Variants in KLF13 observed in about 807,000 individuals in gnomAD.
KLF13 encodes the protein Krueppel-like factor 13.
A neutral mutation model predicts 16.7 loss-of-function variants in KLF13; 8 were observed. The observed-to-expected ratio is 0.48, with a 90% CI of 0.28 to 0.87. KLF13 has a LOEUF of 0.87. Among genes scored for constraint, KLF13 ranks in the 40% least tolerant of loss-of-function variants. KLF13 has a pLI of 0.10. For missense variants in KLF13, 447 were observed against 452.2 expected, an observed-to-expected ratio of 0.99 and a Z score of 0.10; for synonymous variants, 245 against 208.4, an observed-to-expected ratio of 1.18 and a Z score of -1.51.
At chr15:31,417,630 C>A (rs1458865765) in intron 1 of KLF13, among the ~76,000 whole-genome samples, 1 of 152,004 alleles carries the variant, frequency 6.6e-6, no homozygotes, top group Non-Finnish European at 1.5e-5. Flanking sequence ...CAACCTCCAT[C>A]TCCCAGGTTC....
chr15:31,381,878 T>TG (rs2039731313), downstream of KLF13, among the ~76,000 whole-genome samples: 1 of 152,246 alleles, frequency 6.6e-6, no homozygotes, highest in African/African-American at 2.4e-5. Context: ...CACCTGCTGC[T>TG]GCCTGCACAG....
At chr15:31,347,743 G>A (rs1392561584) in intron 1 of KLF13, among the ~76,000 whole-genome samples, 1 of 152,246 alleles carries the variant, frequency 6.6e-6, no homozygotes, top group Non-Finnish European at 1.5e-5. Flanking sequence ...GCAGCAGCTT[G>A]AGGGGGCCCC....
intron 1 of KLF13, among the ~76,000 whole-genome samples, chr15:31,334,466 C>T (rs1158534322): frequency 6.6e-6 from 1 of 151,634 alleles, no homozygotes; most frequent in African/African-American, 2.4e-5. Context: ...TTGCTCTTGT[C>T]CCCCAGGCTG....
rs771153714 is a variant in KLF13, at chr15:31,423,133, G to GTATA, written n.118-12236_118-12233dup. ...TATACGTATATATACGTATATATAC[G>GTATA]TATACGTATACGTATATATACGTAT... On this transcript the variant is annotated intron_variant and non_coding_transcript_variant, in intron 1 of 1. Transcript: ENST00000558225. Among the ~76,000 whole-genome samples the GTATA allele has an allele frequency of 5.2e-3, 498 of 95,566 alleles. 110 individuals carry two copies. The highest frequency in any genetic ancestry group is 0.015 in the Middle Eastern group (3 of 200). 62.7% of individuals were successfully genotyped at this position (95,566 alleles called of 152,430 possible).
chr15:31,405,267 T>C (rs901549795), downstream of KLF13, among the ~76,000 whole-genome samples: 1 of 151,940 alleles, frequency 6.6e-6, no homozygotes, highest in Non-Finnish European at 1.5e-5. Flanking sequence ...TGAGCCGAGA[T>C]CGCACCACTG....
chr15:31,406,106 A>G (rs2040125687), downstream of KLF13, among the ~76,000 whole-genome samples: 1 of 152,222 alleles, frequency 6.6e-6, no homozygotes, highest in African/African-American at 2.4e-5. Flanking sequence ...AACTTCCCAG[A>G]CTGTAGGGCA....
chr15:31,434,257 C>T (rs946550312), intron 1 of KLF13, among the ~76,000 whole-genome samples: 1 of 152,190 alleles, frequency 6.6e-6, no homozygotes, highest in African/African-American at 2.4e-5. Context: ...CACAGCTGCA[C>T]ACAGCTGGAC....
chr15:31,409,220 G>A (rs1432632970), downstream of KLF13, among the ~76,000 whole-genome samples: 4 of 152,090 alleles, frequency 2.6e-5, no homozygotes, highest in East Asian at 5.8e-4. Flanking sequence ...AGGAGGCGGA[G>A]TTCACAGTGA....
At chr15:31,420,939 C>T (rs530024290) in intron 1 of KLF13, among the ~76,000 whole-genome samples, 28 of 152,232 alleles carry the variant, frequency 1.8e-4, no homozygotes, top group African/African-American at 5.5e-4. Flanking sequence ...GTGATCTGCC[C>T]GCCTTGGCCT....
At chr15:31,366,798 A>G (rs144866516) in intron 1 of KLF13, among the ~76,000 whole-genome samples, 76 of 125,922 alleles carry the variant, frequency 6.0e-4, no homozygotes, top group Non-Finnish European at 1.1e-3. Context: ...CTGTCCCCAT[A>G]ACAGCAGTTT....
intron 1 of KLF13, among the ~76,000 whole-genome samples, chr15:31,417,485 A>G (rs555081822): frequency 6.7e-6 from 1 of 149,246 alleles, no homozygotes; most frequent in East Asian, 1.9e-4. Context: ...ACAGAGTGAG[A>G]CTCTGTCTCA....
intron 1 of KLF13, among the ~76,000 whole-genome samples, chr15:31,353,530 C>T (rs2039250048): frequency 6.6e-6 from 1 of 152,246 alleles, no homozygotes; most frequent in Admixed American, 6.5e-5. Flanking sequence ...TTTTCAATTC[C>T]CTTTATTGCT....
At position 31,360,239 on chromosome 15, in the gene KLF13, T is replaced by C. The variant is rs570249878; in HGVS notation, c.578-11771T>C. Among the ~76,000 whole-genome samples, 344 of 152,286 alleles carry C rather than the reference T, an allele frequency of 2.3e-3. 1 individual carries two copies. The highest frequency in any genetic ancestry group is 7.4e-3 in the African/African-American group (306 of 41,570). On this transcript the variant is annotated intron_variant, in intron 1 of 1. Coordinates refer to ENST00000307145, the MANE Select transcript of KLF13 (RefSeq NM_015995.4). ...GGCTTAGGAAACAGGGCCAGCAGGATACAGGGAGGAAGGTGTGGGCACGGA... is the reference window on the plus strand; with the variant it reads ...GGCTTAGGAAACAGGGCCAGCAGGACACAGGGAGGAAGGTGTGGGCACGGA...
chr15:31,385,298 A>C (rs2039781734), intron 1 of KLF13, among the ~76,000 whole-genome samples: 1 of 152,236 alleles, frequency 6.6e-6, no homozygotes, highest in Non-Finnish European at 1.5e-5. Flanking sequence ...CTACATGATG[A>C]AGGTTAATCC....
chr15:31,348,131 G>T (rs1251675944), intron 1 of KLF13, among the ~76,000 whole-genome samples: 1 of 152,226 alleles, frequency 6.6e-6, no homozygotes, highest in African/African-American at 2.4e-5. Flanking sequence ...AAACACGCAG[G>T]CTTTGTGGGA....
chr15:31,329,650 G>A (rs928943083), intron 1 of KLF13, among the ~76,000 whole-genome samples: 1 of 152,206 alleles, frequency 6.6e-6, no homozygotes, highest in South Asian at 2.1e-4. Flanking sequence ...CGGGCCTCCC[G>A]CTGTAGGTGG....
intron 1 of KLF13, among the ~76,000 whole-genome samples, 168 bp downstream of exon 1, chr15:31,327,957 G>A (rs908317080): frequency 1.0e-3 from 148 of 147,544 alleles, no homozygotes; most frequent in African/African-American, 3.5e-3. Flanking sequence ...GGCCCCGCGC[G>A]TCGCGCGAGG....
chr15:31,372,211 G>GCGGCGGGGGCTCGCGGAC lies in KLF13; in HGVS notation c.784_801dup (p.Gly262_Gly267dup). The GCGGCGGGGGCTCGCGGAC allele has an allele frequency of 6.2e-7, 1 of 1,602,296 alleles. No homozygotes were observed. Among genetic ancestry groups the GCGGCGGGGGCTCGCGGAC allele is most frequent in the Non-Finnish European group, 8.5e-7 (1 of 1,176,064 alleles). ...TTCCACCCGGGAATGCTGCAGCGGC[G>GCGGCGGGGGCTCGCGGAC]CGGCGGGGGCTCGCGGACCGGCTCC... On this transcript the variant is annotated inframe_insertion, in exon 2 of 2. Coordinates refer to ENST00000307145, the MANE Select transcript of KLF13 (RefSeq NM_015995.4).
At chr15:31,415,118 G>A (rs2040239955) in intron 1 of KLF13, among the ~76,000 whole-genome samples, 1 of 152,068 alleles carries the variant, frequency 6.6e-6, no homozygotes, top group Non-Finnish European at 1.5e-5. Context: ...TGTGATCTCT[G>A]TACACGTCCG....
Sources: gnomAD v4.1 joint callset for allele counts (sites outside exome capture counted in the v4.1 genomes callset) on GRCh38, gnomAD v4.1.1 for gene constraint, MANE v1.5 for transcripts, NCBI Gene and HGNC (gene_info 2026-07-23, HGNC 2026-07-21) for gene names.